Variants in RAP1GAP2 observed in about 807,000 individuals in gnomAD.
RAP1GAP2 encodes the protein RAP1 GTPase activating protein 2.
A neutral mutation model predicts 95.0 loss-of-function variants in RAP1GAP2; 27 were observed. The observed-to-expected ratio is 0.28, with a 90% CI of 0.21 to 0.39. The LOEUF (loss-of-function observed/expected upper bound fraction) is 0.39, where lower values mean the gene tolerates loss of function less well. RAP1GAP2 is among the 10% of genes least tolerant of loss of function. The pLI is 1.00. For synonymous variants in RAP1GAP2, 373 were observed against 380.9 expected, an observed-to-expected ratio of 0.98 and a Z score of 0.24; for missense variants, 771 against 970.0, an observed-to-expected ratio of 0.79 and a Z score of 2.72.
chr17:2,931,577 C>T (rs1433519783), intron 3 of RAP1GAP2, among the ~76,000 whole-genome samples: 6 of 152,224 alleles, frequency 3.9e-5, no homozygotes, highest in Admixed American at 1.3e-4. Flanking sequence ...ATTTAACATA[C>T]AGCTTATAGG....
intron 1 of RAP1GAP2, among the ~76,000 whole-genome samples, chr17:2,778,459 AG>A (rs1276916795): frequency 4.6e-5 from 7 of 152,006 alleles, no homozygotes; most frequent in African/African-American, 1.7e-4. Context: ...ATTTGGTGGG[AG>A]GTGGCCTCAG....
chr17:2,873,906 GCA>G (rs2072966927), intron 2 of RAP1GAP2, among the ~76,000 whole-genome samples: 1 of 151,476 alleles, frequency 6.6e-6, no homozygotes, highest in African/African-American at 2.4e-5. Context: ...GGGATTACAG[GCA>G]TGCGCCACCA....
intron 1 of RAP1GAP2, among the ~76,000 whole-genome samples, chr17:2,779,809 A>C (rs2068596938): frequency 6.7e-6 from 1 of 149,444 alleles, no homozygotes; most frequent in Non-Finnish European, 1.5e-5. Flanking sequence ...GGGGGGGGGC[A>C]GGAAAGGAAG....
chr17:2,797,833 G>A lies in RAP1GAP2; in HGVS notation c.44+1262G>A. 1 of 969,224 alleles carries A rather than the reference G, an allele frequency of 1.0e-6. No homozygotes were observed. Among genetic ancestry groups the A allele is most frequent in the South Asian group, 4.8e-5 (1 of 20,980 alleles). The allele number at this position is 969,224 out of a possible 1,614,324, so 60.0% of individuals were successfully genotyped here. ...CAGAGGACTTGGCTTCTGGTTGGGA[G>A]GGGTGTGTGTGTCTTGGCTGTGGGC... On this transcript the variant is annotated intron_variant, in intron 1 of 24. Coordinates refer to ENST00000254695, the MANE Select transcript of RAP1GAP2 (RefSeq NM_015085.5). The surrounding 1 kb of genome is among the most constrained non-coding windows in gnomAD (Gnocchi z 5.6).
chr17:3,005,919 G>A lies in RAP1GAP2; in HGVS notation c.1273-36G>A, dbSNP rs1407280439. 1 of 1,585,240 alleles carries A rather than the reference G, an allele frequency of 6.3e-7. No individual in the cohort carries two copies. The highest frequency in any genetic ancestry group is 1.7e-5 in the Admixed American group (1 of 59,942). Reference sequence around the variant, plus strand: ...CTGAAGACCTTCTGGCAACAGCCGAGAGTGACAGACCTGAGGTCCGTCTTG... The same window carrying A: ...CTGAAGACCTTCTGGCAACAGCCGAAAGTGACAGACCTGAGGTCCGTCTTG... On this transcript the variant is annotated intron_variant, in intron 15 of 24. Coordinates refer to ENST00000254695, the MANE Select transcript of RAP1GAP2 (RefSeq NM_015085.5). The surrounding 1 kb of genome is among the most constrained non-coding windows in gnomAD (Gnocchi z 5.2).
At chr17:2,890,080 G>C (rs983802671) in intron 2 of RAP1GAP2, among the ~76,000 whole-genome samples, 4 of 151,352 alleles carry the variant, frequency 2.6e-5, no homozygotes, top group African/African-American at 9.7e-5. Context: ...TCCCAGCCCT[G>C]GTCCCTGGGA....
Position 2,796,484 on chromosome 17 carries a change from G to A in RAP1GAP2, c.-44G>A, listed in dbSNP as rs139799387. On this transcript the variant is annotated 5_prime_UTR_variant, in exon 1 of 25. Coordinates refer to ENST00000254695, the MANE Select transcript of RAP1GAP2 (RefSeq NM_015085.5). This position sits in a 1 kb window ranked among gnomAD's most constrained non-coding sequence, Gnocchi z 4.7. ...CCCTCTTGCGGACAGCCCCGGGGACGTCGTTGGGACATCGCTGGGACCCCG... is the reference window on the plus strand; with the variant it reads ...CCCTCTTGCGGACAGCCCCGGGGACATCGTTGGGACATCGCTGGGACCCCG... 3.4e-4 allele frequency: 524 copies of A among 1,551,252 alleles called. No individual in the cohort carries two copies. The highest frequency in any genetic ancestry group is 4.2e-4 in the Non-Finnish European group (478 of 1,146,892).
chr17:2,932,842 A>AACGG (rs140254643), intron 3 of RAP1GAP2, among the ~76,000 whole-genome samples: 2 of 94,170 alleles, frequency 2.1e-5, no homozygotes, highest in Non-Finnish European at 4.0e-5. Flanking sequence ...AAAAAAAAAA[A>AACGG]AGAGCAGGGA....
chr17:2,982,454 T>C (rs111267603), intron 10 of RAP1GAP2, among the ~76,000 whole-genome samples: 5,077 of 152,248 alleles, frequency 0.033, 261 homozygotes, highest in African/African-American at 0.11. Flanking sequence ...ACACTTTCAG[T>C]GTTCAGGATT....
chr17:2,836,106 C>T (rs962619172), intron 2 of RAP1GAP2, among the ~76,000 whole-genome samples: 2 of 152,076 alleles, frequency 1.3e-5, no homozygotes. Flanking sequence ...GTCCCCATGT[C>T]GCCTTCGGGG....
intron 2 of RAP1GAP2, among the ~76,000 whole-genome samples, chr17:2,876,581 G>A (rs577207169): frequency 2.0e-5 from 3 of 152,290 alleles, no homozygotes; most frequent in East Asian, 3.9e-4. Flanking sequence ...ATAAGCAGCC[G>A]TGGAGACCAA....
At chr17:2,961,026 G>A (rs549517444) in intron 4 of RAP1GAP2, among the ~76,000 whole-genome samples, 1 of 152,088 alleles carries the variant, frequency 6.6e-6, no homozygotes, top group Admixed American at 6.6e-5. Flanking sequence ...GACCAGCCTG[G>A]GCAACATGGT....
chr17:2,840,494 A>G (rs2071329602), intron 2 of RAP1GAP2, among the ~76,000 whole-genome samples: 1 of 151,966 alleles, frequency 6.6e-6, no homozygotes, highest in Non-Finnish European at 1.5e-5. Context: ...TCCGTAGTAT[A>G]CTGTTCACAT....
At chr17:2,800,851 CTTTCT>C (rs1185886940) in intron 2 of RAP1GAP2, among the ~76,000 whole-genome samples, 5 of 79,838 alleles carry the variant, frequency 6.3e-5, no homozygotes, top group Non-Finnish European at 8.4e-5. Context: ...TTCTTTCTTT[CTTTCT>C]TTTTTTTTTT....
intron 3 of RAP1GAP2, among the ~76,000 whole-genome samples, chr17:2,908,727 A>T (rs1006103594): frequency 6.6e-6 from 1 of 151,962 alleles, no homozygotes; most frequent in Non-Finnish European, 1.5e-5. Flanking sequence ...TTAAAAAAAA[A>T]TTTTAGGGAC....
At chr17:2,854,965 C>G (rs1348144024) in intron 2 of RAP1GAP2, among the ~76,000 whole-genome samples, 2 of 152,124 alleles carry the variant, frequency 1.3e-5, no homozygotes, top group Non-Finnish European at 2.9e-5. Flanking sequence ...CCTGCTGGAT[C>G]CTAGTTTCCA....
At chr17:2,943,926 G>T (rs2043602346) in intron 3 of RAP1GAP2, among the ~76,000 whole-genome samples, 1 of 151,994 alleles carries the variant, frequency 6.6e-6, no homozygotes, top group Non-Finnish European at 1.5e-5. Flanking sequence ...AAGGAGGGCG[G>T]ACCATGAGGT....
At position 2,919,943 on chromosome 17, in the gene RAP1GAP2, C is replaced by T. The variant is rs189962664; in HGVS notation, c.165+14575C>T. Among the ~76,000 whole-genome samples the T allele has an allele frequency of 6.7e-3, 1,021 of 151,996 alleles. 9 individuals are homozygous for T. Among genetic ancestry groups the T allele is most frequent in the African/African-American group, 0.023 (963 of 41,484 alleles). ...CTCGAACTCTTGACCTCAGGTGATCCGCCCGCCTCGGCCTCCCAAAGTGCT... is the reference window on the plus strand; with the variant it reads ...CTCGAACTCTTGACCTCAGGTGATCTGCCCGCCTCGGCCTCCCAAAGTGCT... On this transcript the variant is annotated intron_variant, in intron 3 of 24. Transcript: ENST00000254695.
chr17:2,841,869 T>A (rs1158555448), intron 2 of RAP1GAP2, among the ~76,000 whole-genome samples: 1 of 152,040 alleles, frequency 6.6e-6, no homozygotes, highest in Non-Finnish European at 1.5e-5. Context: ...CGGCTTTTCC[T>A]CCCTCCCTTC....
Sources: gnomAD v4.1 joint callset for allele counts (sites outside exome capture counted in the v4.1 genomes callset) on GRCh38, gnomAD v4.1.1 for gene constraint, Gnocchi (gnomAD v3.1) non-coding constraint, MANE v1.5 for transcripts, NCBI Gene and HGNC (gene_info 2026-07-23, HGNC 2026-07-21) for gene names.